Variants in INPP5A observed in about 807,000 individuals in gnomAD.
INPP5A encodes 43 kDa inositol polyphosphate 5-phophatase.
A neutral mutation model predicts 65.2 loss-of-function variants in INPP5A; 14 were observed. The observed-to-expected ratio is 0.21, with a 90% CI of 0.14 to 0.34. The LOEUF is 0.34. Ranked by LOEUF, INPP5A falls within the 10% of genes least tolerant of loss-of-function variation. The pLI is 1.00. For synonymous variants in INPP5A, 207 were observed against 208.3 expected (o/e 0.99, Z 0.05); for missense variants, 431 against 545.6 (o/e 0.79, Z 2.09).
chr10:132,760,371 G>T (rs148967205), intron 11 of INPP5A, among the ~76,000 whole-genome samples: 1 of 152,250 alleles, frequency 6.6e-6, no homozygotes, highest in Admixed American at 6.5e-5. Context: ...GAGGGGCGAT[G>T]GTCCTTCTGG....
intron 2 of INPP5A, among the ~76,000 whole-genome samples, chr10:132,617,770 C>T (rs918966776): frequency 6.6e-6 from 1 of 152,248 alleles, no homozygotes; most frequent in Admixed American, 6.5e-5. Flanking sequence ...GATAAACATT[C>T]TTTCCTTCCC....
At chr10:132,685,534 T>A (rs185285943) in intron 4 of INPP5A, among the ~76,000 whole-genome samples, 5 of 152,378 alleles carry the variant, frequency 3.3e-5, no homozygotes, top group Non-Finnish European at 4.4e-5. Flanking sequence ...ACCAGGTTAA[T>A]GATGTGTGCT....
At chr10:132,748,593 T>C (rs1022037975) in intron 9 of INPP5A, among the ~76,000 whole-genome samples, 15 of 152,320 alleles carry the variant, frequency 9.8e-5, no homozygotes, top group African/African-American at 3.1e-4. Context: ...TTCCCTGCAT[T>C]GTACTGAGGT....
At chr10:132,687,929 A>G (rs565187011) in intron 4 of INPP5A, among the ~76,000 whole-genome samples, 3 of 152,006 alleles carry the variant, frequency 2.0e-5, no homozygotes, top group African/African-American at 7.2e-5. Context: ...GTTTAAATGC[A>G]CTCCTTGAAG....
chr10:132,751,496 G>A (rs1395059078), intron 11 of INPP5A, among the ~76,000 whole-genome samples: 2 of 152,252 alleles, frequency 1.3e-5, no homozygotes, highest in Non-Finnish European at 2.9e-5. Flanking sequence ...CTCTGGCTCT[G>A]CCTGCGGGAC....
intron 4 of INPP5A, among the ~76,000 whole-genome samples, chr10:132,662,141 A>G (rs1017639136): frequency 3.2e-4 from 48 of 152,190 alleles, no homozygotes; most frequent in Non-Finnish European, 1.5e-4. Context: ...AGTCAGTTGG[A>G]CCTATGAAGA....
chr10:132,687,854 G>C (rs1028618928), intron 4 of INPP5A, among the ~76,000 whole-genome samples: 1 of 152,256 alleles, frequency 6.6e-6, no homozygotes, highest in African/African-American at 2.4e-5. Context: ...AGAGACAGGA[G>C]GCAGAGGCCA....
chr10:132,755,334 CTGTGTGAGCGTG>C (rs1358786051), intron 11 of INPP5A, among the ~76,000 whole-genome samples: 1 of 138,084 alleles, frequency 7.2e-6, no homozygotes, highest in Non-Finnish European at 1.6e-5. Context: ...AGTGTGTGAG[CTGTGTGAGCGTG>C]TGTGTGAGCA....
intron 9 of INPP5A, among the ~76,000 whole-genome samples, chr10:132,735,327 G>T (rs959506134): frequency 5.3e-5 from 8 of 152,260 alleles, no homozygotes; most frequent in Admixed American, 3.9e-4. Context: ...AGCATACGCG[G>T]TTCTGAAGGT....
intron 9 of INPP5A, among the ~76,000 whole-genome samples, chr10:132,736,917 C>T (rs1285983066): frequency 6.6e-6 from 1 of 152,238 alleles, no homozygotes; most frequent in Non-Finnish European, 1.5e-5. Flanking sequence ...CTTGTTGAGC[C>T]CCTCTGCCCC....
chr10:132,715,857 G>A (rs1453677089), intron 8 of INPP5A, among the ~76,000 whole-genome samples: 2 of 152,162 alleles, frequency 1.3e-5, no homozygotes, highest in African/African-American at 2.4e-5. Context: ...CAGGGTGGCC[G>A]AGGTCATGTG....
In INPP5A at chr10:132,659,219, G is replaced by A. The variant is rs1334910573; in HGVS notation, c.306+8714G>A. Reference sequence around the variant, plus strand: ...GGCACAGGGGTTCAGATTGAGGCCTGGGGCTGAGGAAGCAGGAAGTCCTGT... The same window carrying A: ...GGCACAGGGGTTCAGATTGAGGCCTAGGGCTGAGGAAGCAGGAAGTCCTGT... On this transcript the variant is annotated intron_variant, in intron 4 of 15. Transcript: ENST00000368594. This position sits in a 1 kb window ranked among gnomAD's most constrained non-coding sequence, Gnocchi z 5.5. Among the ~76,000 whole-genome samples the A allele has an allele frequency of 1.3e-5, 2 of 152,210 alleles. No homozygotes were observed. Among genetic ancestry groups the A allele is most frequent in the African/African-American group, 4.8e-5 (2 of 41,466 alleles).
At chr10:132,680,780 G>T (rs1564961653) in intron 4 of INPP5A, among the ~76,000 whole-genome samples, 1 of 152,278 alleles carries the variant, frequency 6.6e-6, no homozygotes, top group African/African-American at 2.4e-5. Flanking sequence ...TGTGCAATGA[G>T]GGGCTTAGCA....
At chr10:132,758,677 G>A (rs1846676227) in intron 11 of INPP5A, among the ~76,000 whole-genome samples, 1 of 152,116 alleles carries the variant, frequency 6.6e-6, no homozygotes, top group South Asian at 2.1e-4. Flanking sequence ...ACCCCAGCTC[G>A]GCTGTTTTCC....
chr10:132,638,494 G>T (rs2072385585), intron 2 of INPP5A, among the ~76,000 whole-genome samples: 1 of 152,230 alleles, frequency 6.6e-6, no homozygotes, highest in Non-Finnish European at 1.5e-5. Flanking sequence ...GAGCCCGAGA[G>T]ATCACCTTCT....
intron 12 of INPP5A, among the ~76,000 whole-genome samples, chr10:132,773,864 G>A (rs55879006): frequency 0.018 from 2,687 of 152,302 alleles, 42 homozygotes; most frequent in South Asian, 0.039. Flanking sequence ...GGGCTCAAGC[G>A]ATTTTCCCCC....
chr10:132,712,519 TG>T (rs554329169), intron 8 of INPP5A, among the ~76,000 whole-genome samples: 69 of 146,154 alleles, frequency 4.7e-4, no homozygotes, highest in African/African-American at 1.6e-3. Flanking sequence ...TGCAGGGGTG[TG>T]GGGGTTGCAT....
intron 12 of INPP5A, among the ~76,000 whole-genome samples, chr10:132,770,842 G>A (rs966592861): frequency 2.6e-5 from 4 of 152,140 alleles, no homozygotes; most frequent in African/African-American, 9.7e-5. Context: ...TGGGAGTCTC[G>A]ACGCGGCACG....
Position 132,703,620 on chromosome 10 carries a change from GCCC to G in INPP5A, c.475-4689_475-4687del, listed in dbSNP as rs373223532. On this transcript the variant is annotated intron_variant, in intron 6 of 15. Coordinates refer to ENST00000368594, the MANE Select transcript of INPP5A (RefSeq NM_005539.5). ...CTTCACACACACACGCACAGCTTCT[GCCC>G]CCCAACACACGCGCACCTTCATCCC... 5.4e-4 allele frequency among the ~76,000 whole-genome samples: 41 copies of G among 75,998 alleles called. No homozygotes were observed. In the East Asian group the frequency reaches 0.012, roughly 23 times the overall value. 49.9% of individuals were successfully genotyped at this position (75,998 alleles called of 152,430 possible). A position where few individuals can be genotyped will look rare whatever the true frequency, so the allele number is the denominator to read the frequency against.
Sources: allele counts gnomAD v4.1 joint callset (sites outside exome capture counted in the v4.1 genomes callset), GRCh38; gene constraint gnomAD v4.1.1; non-coding constraint Gnocchi (gnomAD v3.1); transcripts MANE v1.5; gene names NCBI Gene and HGNC (gene_info 2026-07-23, HGNC 2026-07-21).